ADAM10: variants seen among roughly 807,000 people sequenced by gnomAD.
The protein encoded by ADAM10 is disintegrin and metalloproteinase domain-containing protein 10.
ADAM10 carries 17 observed loss-of-function variants against 90.1 expected under a neutral mutation model. The ratio of observed to expected loss-of-function variants is 0.19; its 90% CI spans 0.13 to 0.28. The LOEUF is 0.28. Ranked by LOEUF, ADAM10 falls within the 10% of genes least tolerant of loss-of-function variation. ADAM10 has a pLI of 1.00. For synonymous variants in ADAM10, 310 were observed against 298.6 expected, an observed-to-expected ratio of 1.04 and a Z score of -0.40; for missense variants, 610 against 914.3, an observed-to-expected ratio of 0.67 and a Z score of 4.29.
In ADAM10 at chr15:58,657,751, G is replaced by A. The variant is rs116918914; in HGVS notation, c.585+7346C>T. Among the ~76,000 whole-genome samples, 1,022 of 152,172 alleles carry A rather than the reference G, an allele frequency of 6.7e-3. 35 individuals are homozygous for A. The East Asian group carries it at 0.081, about 12-fold the overall frequency. ...TCATGTTTTCCTGGATGGTCTGGAC[G>A]CTTGTGGATGTTGGTTCACGTCTGG... On this transcript the variant is annotated intron_variant, in intron 5 of 15. Transcript: ENST00000260408.
chr15:58,736,859 A>T (rs1383028992), intron 1 of ADAM10, among the ~76,000 whole-genome samples: 1 of 152,134 alleles, frequency 6.6e-6, no homozygotes, highest in East Asian at 1.9e-4. Flanking sequence ...TAATCCTAGC[A>T]CTTTGGGAAG....
intron 1 of ADAM10, among the ~76,000 whole-genome samples, chr15:58,742,639 C>A (rs1258847461): frequency 1.3e-5 from 2 of 152,190 alleles, no homozygotes; most frequent in African/African-American, 4.8e-5. Flanking sequence ...TGCTGGACAG[C>A]AACGTCACTG....
At chr15:58,679,606 C>T (rs1897373822) in intron 3 of ADAM10, among the ~76,000 whole-genome samples, 1 of 152,134 alleles carries the variant, frequency 6.6e-6, no homozygotes. Context: ...CAGTAGTCAT[C>T]AATAATTGTA....
intron 2 of ADAM10, among the ~76,000 whole-genome samples, chr15:58,714,282 T>TAC (rs1898577132): frequency 2.1e-5 from 2 of 96,600 alleles, no homozygotes; most frequent in African/African-American, 8.5e-5. Context: ...TTAATACTTA[T>TAC]ACATACACAT....
At chr15:58,635,421 G>C (rs1362173908) in intron 8 of ADAM10, among the ~76,000 whole-genome samples, 1 of 152,042 alleles carries the variant, frequency 6.6e-6, no homozygotes. Context: ...AATAGCTGGA[G>C]TCACATGCAA....
intron 1 of ADAM10, among the ~76,000 whole-genome samples, chr15:58,735,087 C>T (rs994725192): frequency 6.6e-6 from 1 of 152,178 alleles, no homozygotes; most frequent in South Asian, 2.1e-4. Context: ...GTGGTATCAT[C>T]AAATCTCACT....
intron 1 of ADAM10, among the ~76,000 whole-genome samples, chr15:58,722,219 A>G (rs1469981930): frequency 2.7e-5 from 4 of 150,564 alleles, no homozygotes; most frequent in Non-Finnish European, 5.9e-5. Context: ...GCATGCATCT[A>G]TAACACCAGC....
intron 13 of ADAM10, 133 bp from the exon 14 acceptor site, chr15:58,610,650 T>C: frequency 2.3e-6 from 2 of 873,450 alleles, no homozygotes; most frequent in South Asian, 1.4e-5. Context: ...ACAGACCTTC[T>C]CTAGTTAGGC....
At chr15:58,654,120 T>C (rs1275069203) in intron 5 of ADAM10, among the ~76,000 whole-genome samples, 1 of 152,114 alleles carries the variant, frequency 6.6e-6, no homozygotes, top group Non-Finnish European at 1.5e-5. Context: ...GCTAAAGGTT[T>C]GTCAATTTTG....
chr15:58,645,962 A>C, intron 6 of ADAM10, 93 bp downstream of exon 6: 1 of 1,408,420 alleles, frequency 7.1e-7, no homozygotes, highest in Non-Finnish European at 9.9e-7. Context: ...CTTTTTCCCA[A>C]AAAGAGAATA....
intron 1 of ADAM10, among the ~76,000 whole-genome samples, chr15:58,746,240 A>G (rs1899787989): frequency 6.6e-6 from 1 of 152,192 alleles, no homozygotes; most frequent in African/African-American, 2.4e-5. Flanking sequence ...AACTCCTAAC[A>G]CAGTATTAGA....
At position 58,597,273 on chromosome 15, in the gene ADAM10, C is replaced by T. The variant is rs1894980906; in HGVS notation, c.*274G>A. On this transcript the variant is annotated 3_prime_UTR_variant, in exon 16 of 16. Transcript: ENST00000260408. Reference sequence around the variant, plus strand: ...GCAACGAAGAACAGGGAACACGGGGCACATAATAATATTCTAAGACTTTGT... The same window carrying T: ...GCAACGAAGAACAGGGAACACGGGGTACATAATAATATTCTAAGACTTTGT... The T allele has an allele frequency of 9.2e-7, 1 of 1,089,648 alleles. No homozygotes were observed. The highest frequency in any genetic ancestry group is 3.1e-4 in the Middle Eastern group (1 of 3,236). The allele number at this position is 1,089,648 out of a possible 1,614,324, so 67.5% of individuals were successfully genotyped here. A position where few individuals can be genotyped will look rare whatever the true frequency, so the allele number is the denominator to read the frequency against.
At chr15:58,692,920 A>G in intron 2 of ADAM10, 1 of 704,380 alleles carries the variant, frequency 1.4e-6, no homozygotes, top group Non-Finnish European at 2.7e-6. Flanking sequence ...AGCCTTGGTC[A>G]TGCCAATGCC....
intron 4 of ADAM10, among the ~76,000 whole-genome samples, chr15:58,665,915 G>A (rs757249220): frequency 3.3e-5 from 5 of 151,910 alleles, no homozygotes; most frequent in Non-Finnish European, 7.4e-5. Flanking sequence ...CATTCATGAC[G>A]ATGATCCTTC....
chr15:58,707,207 A>AC (rs1676595051), intron 2 of ADAM10: 1 of 149,416 alleles, frequency 6.7e-6, no homozygotes. Flanking sequence ...ACAAGGGGAA[A>AC]CCCCCATCTC....
chr15:58,602,236 C>A (rs965190580), intron 14 of ADAM10, among the ~76,000 whole-genome samples: 1 of 152,142 alleles, frequency 6.6e-6, no homozygotes, highest in Non-Finnish European at 1.5e-5. Flanking sequence ...TCTGGCCCAA[C>A]AAGAAGTTCC....
At chr15:58,648,268 T>A (rs528453209) in intron 5 of ADAM10, among the ~76,000 whole-genome samples, 1 of 152,256 alleles carries the variant, frequency 6.6e-6, no homozygotes, top group East Asian at 1.9e-4. Flanking sequence ...GGGGGAACTG[T>A]CCCCAAAGCC....
chr15:58,729,117 G>T (rs1019867126), intron 1 of ADAM10, among the ~76,000 whole-genome samples: 1 of 152,078 alleles, frequency 6.6e-6, no homozygotes, highest in East Asian at 1.9e-4. Flanking sequence ...CAGCACTTTG[G>T]GAGGCTAAGG....
intron 14 of ADAM10, 24 bp from the exon 15 acceptor site, chr15:58,599,748 C>G (rs777511210): frequency 1.3e-6 from 2 of 1,535,724 alleles, no homozygotes; most frequent in Non-Finnish European, 8.6e-7. Flanking sequence ...GATTTTTCCA[C>G]TGAAAAAAAA....
Sources: allele counts gnomAD v4.1 joint callset (sites outside exome capture counted in the v4.1 genomes callset), GRCh38; gene constraint gnomAD v4.1.1; transcripts MANE v1.5; gene names NCBI Gene and HGNC (gene_info 2026-07-23, HGNC 2026-07-21).